Variants in UIMC1 observed in about 807,000 individuals in gnomAD.
UIMC1 encodes ubiquitin interaction motif containing 1.
Under a neutral mutation model 84.9 loss-of-function variants are expected in UIMC1, and 42 were observed. The observed-to-expected ratio is 0.49, with a 90% CI of 0.39 to 0.64. The LOEUF (loss-of-function observed/expected upper bound fraction) is 0.64, where lower values mean the gene tolerates loss of function less well. Among genes scored for constraint, UIMC1 ranks in the 30% least tolerant of loss-of-function variants. UIMC1 has a pLI of 0.00. For missense variants in UIMC1, 825 were observed against 847.6 expected (o/e 0.97, Z 0.33); for synonymous variants, 281 against 293.0 (o/e 0.96, Z 0.42).
At chr5:176,992,471 A>T (rs892222705) in intron 1 of UIMC1, among the ~76,000 whole-genome samples, 2 of 151,800 alleles carry the variant, frequency 1.3e-5, no homozygotes, top group Non-Finnish European at 2.9e-5. Context: ...TTTAAAAAAA[A>T]AAAAAGGTGA....
Position 176,968,901 on chromosome 5 carries a change from T to C in UIMC1, c.854A>G (p.Asp285Gly). The change falls in exon 6 of 15, where the codon GAT (aspartate) becomes GGT (glycine). Residue 285 changes from aspartate (D) to glycine (G), a missense_variant. Physicochemically the swap from Asp to Gly is moderately conservative, Grantham distance 94 (BLOSUM62 -1). Coordinates refer to ENST00000511320, the MANE Select transcript of UIMC1 (RefSeq NM_001199298.2). ...GGTATACTGGTTAGGGTCTACTCCATCAGGGCAGAATGGAATACCCCAGAA... is the reference window on the plus strand; with the variant it reads ...GGTATACTGGTTAGGGTCTACTCCACCAGGGCAGAATGGAATACCCCAGAA... ...NYFWGIPFCP[D>G]GVDPNQYTKV... The C allele has an allele frequency of 6.2e-7, 1 of 1,614,078 alleles. No homozygotes were observed. Among genetic ancestry groups the C allele is most frequent in the South Asian group, 1.1e-5 (1 of 91,078 alleles).
At chr5:176,957,028 C>T (rs757387124) in intron 7 of UIMC1, among the ~76,000 whole-genome samples, 3 of 152,110 alleles carry the variant, frequency 2.0e-5, no homozygotes, top group Non-Finnish European at 2.9e-5. Context: ...ACATTGCCTG[C>T]GATTCCAACT....
intron 1 of UIMC1, chr5:177,002,259 C>T (rs1774633930): frequency 6.6e-6 from 1 of 152,124 alleles, no homozygotes; most frequent in Non-Finnish European, 1.5e-5. Context: ...CACCACTGCA[C>T]TCCAGACTGG....
intron 2 of UIMC1, among the ~76,000 whole-genome samples, chr5:176,976,108 C>T (rs573003466): frequency 3.8e-4 from 58 of 152,048 alleles, no homozygotes; most frequent in African/African-American, 1.4e-3. Context: ...CCAGCCTGGG[C>T]AATGTAGAGA....
intron 11 of UIMC1, among the ~76,000 whole-genome samples, chr5:176,909,252 T>C (rs1581332342): frequency 6.6e-6 from 1 of 152,210 alleles, no homozygotes; most frequent in Non-Finnish European, 1.5e-5. Context: ...TTTATATGCA[T>C]AGCTATCTTT....
rs1759181960 is a variant in UIMC1 at position 176,905,105 on chromosome 5, TAC to T, written c.*175_*176del. On this transcript the variant is annotated 3_prime_UTR_variant, in exon 15 of 15. Transcript: ENST00000511320. ...TCAAACAAACTGTTATAAAACAGAA[TAC>T]ACAGTTGTCTGCATAGATCATAAAA... The T allele has an allele frequency of 1.8e-6, 1 of 559,588 alleles. No homozygotes were observed. The highest frequency in any genetic ancestry group is 3.1e-6 in the Non-Finnish European group (1 of 324,338). The allele number at this position is 559,588 out of a possible 1,614,324, so 34.7% of individuals were successfully genotyped here. A position where few individuals can be genotyped will look rare whatever the true frequency, so the allele number is the denominator to read the frequency against.
At position 176,968,776 on chromosome 5, in the gene UIMC1, T is replaced by C. The variant is rs745886665; in HGVS notation, c.979A>G (p.Arg327Gly). The part of the protein sequence containing the change: ...KKGFGEPVLP[R>G]PPSLIQNECG... The stretch of plus-strand genomic sequence containing the variant: ...TCATTCTGGATCAGAGAAGGAGGTC[T>C]AGGTAACACTGGTTCCCCAAAACCT... The change falls in exon 6 of 15, where the codon AGA becomes GGA. Residue 327 changes from arginine to glycine, a missense_variant. By Grantham distance (125) the Arg-to-Gly change is moderately radical. Transcript: ENST00000511320. The C allele has an allele frequency of 6.2e-7, 1 of 1,614,188 alleles. No individual in the cohort carries two copies. The highest frequency in any genetic ancestry group is 8.5e-7 in the Non-Finnish European group (1 of 1,180,044).
At chr5:177,016,751 G>A (rs377466094) in intron 1 of UIMC1, among the ~76,000 whole-genome samples, 1 of 151,280 alleles carries the variant, frequency 6.6e-6, no homozygotes. Context: ...GGCCGGGCGC[G>A]GCGGCTCATG....
intron 12 of UIMC1, 139 bp downstream of exon 12, chr5:176,908,383 TA>T: frequency 2.3e-6 from 2 of 880,608 alleles, no homozygotes; most frequent in Non-Finnish European, 3.2e-6. Flanking sequence ...AAAATAATTT[TA>T]AAAAGCACAA....
upstream of UIMC1, among the ~76,000 whole-genome samples, chr5:177,008,980 G>A (rs55747374): frequency 0.13 from 20,000 of 151,552 alleles, 1,675 homozygotes; most frequent in East Asian, 0.19. Context: ...GTCCCAACTC[G>A]TGACCTATGA....
intron 2 of UIMC1, among the ~76,000 whole-genome samples, chr5:176,978,142 C>T (rs533407331): frequency 3.2e-4 from 48 of 152,022 alleles, no homozygotes; most frequent in African/African-American, 9.9e-4. Flanking sequence ...GAGGCCGAGG[C>T]GGACGGATCA....
chr5:176,928,147 C>CT (rs1273695166), intron 10 of UIMC1, among the ~76,000 whole-genome samples: 2 of 152,002 alleles, frequency 1.3e-5, no homozygotes, highest in Non-Finnish European at 2.9e-5. Context: ...CTCAGCCTAG[C>CT]TTTTTTTATA....
At chr5:176,941,019 G>A in intron 10 of UIMC1, among the ~76,000 whole-genome samples, 1 of 152,144 alleles carries the variant, frequency 6.6e-6, no homozygotes, top group East Asian at 1.9e-4. Context: ...ACCCTATATG[G>A]GAACATATCC....
intron 10 of UIMC1, among the ~76,000 whole-genome samples, chr5:176,917,557 A>C (rs1761159887): frequency 6.6e-6 from 1 of 152,210 alleles, no homozygotes; most frequent in African/African-American, 2.4e-5. Context: ...GGGCGACAGA[A>C]TGAGACTCTG....
chr5:177,001,467 A>C (rs556561713), intron 1 of UIMC1: 247 of 152,288 alleles, frequency 1.6e-3, no homozygotes, highest in African/African-American at 5.7e-3. Flanking sequence ...AATTCTCCCC[A>C]AACTGATCCT....
Position 176,905,405 on chromosome 5 carries a change from G to C in UIMC1, c.2037C>G (p.Val679=). 6.2e-7 allele frequency: 1 copy of C among 1,614,124 alleles called. No individual in the cohort carries two copies. The highest frequency in any genetic ancestry group is 8.5e-7 in the Non-Finnish European group (1 of 1,180,002). ...FTRRDLNESP[V]KSFVSISEAT... ...CTTCTGAAATGGAAACAAAAGACTT[G>C]ACGGGAGATTCATTTAAGTCACGAC... Residue 679 remains valine (V), a synonymous_variant, in exon 15 of 15, where the codon GTC becomes GTG. Coordinates refer to ENST00000511320, the MANE Select transcript of UIMC1 (RefSeq NM_001199298.2).
chr5:176,984,003 C>A (rs1442028055), intron 1 of UIMC1, among the ~76,000 whole-genome samples: 1 of 134,036 alleles, frequency 7.5e-6, no homozygotes, highest in Non-Finnish European at 1.6e-5. Flanking sequence ...CCCGGCCGCC[C>A]CGTCTGGGAA....
intron 1 of UIMC1, among the ~76,000 whole-genome samples, chr5:176,991,693 G>A (rs1046434514): frequency 2.0e-5 from 3 of 149,348 alleles, no homozygotes; most frequent in Non-Finnish European, 3.0e-5. Flanking sequence ...AGCACTTTGA[G>A]AGGCCGAGGC....
intron 8 of UIMC1, among the ~76,000 whole-genome samples, chr5:176,953,949 T>C (rs1315081646): frequency 6.6e-6 from 1 of 152,156 alleles, no homozygotes; most frequent in East Asian, 1.9e-4. Context: ...AACTTCTAAA[T>C]TATATATTTA....
Sources: allele counts gnomAD v4.1 joint callset (sites outside exome capture counted in the v4.1 genomes callset), GRCh38; gene constraint gnomAD v4.1.1; transcripts MANE v1.5; gene names NCBI Gene and HGNC (gene_info 2026-07-23, HGNC 2026-07-21).